Variants in CHFR observed in about 807,000 individuals in gnomAD.
CHFR encodes checkpoint with forkhead and ring finger domains, also known as E3 ubiquitin-protein ligase CHFR.
CHFR carries 57 observed loss-of-function variants against 87.6 expected under a neutral mutation model. The ratio of observed to expected loss-of-function variants is 0.65; its 90% CI spans 0.53 to 0.81. CHFR has a LOEUF of 0.81. Ranked by LOEUF, CHFR falls within the 30% of genes least tolerant of loss-of-function variation. The probability of loss-of-function intolerance (pLI) is 0.00; values close to 1 mark genes in which losing one functional copy is unlikely to be tolerated. For synonymous variants in CHFR, 381 were observed against 359.2 expected (o/e 1.06, Z -0.69); for missense variants, 797 against 865.8 (o/e 0.92, Z 1.00).
chr12:132,853,620 C>T (rs2136951889), intron 10 of CHFR, 47 bp from the exon 11 acceptor site: 1 of 1,483,032 alleles, frequency 6.7e-7, no homozygotes. Context: ...CCAAGCCTCT[C>T]AGGTAGGGCC....
chr12:132,877,690 T>A, intron 2 of CHFR, 36 bp from the exon 3 acceptor site: 1 of 1,419,078 alleles, frequency 7.0e-7, no homozygotes, highest in African/African-American at 1.4e-5. Flanking sequence ...CGGGATATGA[T>A]CGTGGTAACT....
At chr12:132,867,521 G>A (rs1951372095) in intron 6 of CHFR, 1 of 152,264 alleles carries the variant, frequency 6.6e-6, no homozygotes, top group Non-Finnish European at 1.5e-5. Flanking sequence ...GGCAGCCACT[G>A]TGAAACCTCG....
chr12:132,886,403 A>G (rs1374498251), intron 2 of CHFR, among the ~76,000 whole-genome samples: 1 of 151,988 alleles, frequency 6.6e-6, no homozygotes, highest in East Asian at 1.9e-4. Flanking sequence ...GCTTCCAAAC[A>G]GCAAATATTT....
At chr12:132,870,080 C>T (rs1278780792) in intron 5 of CHFR, among the ~76,000 whole-genome samples, 1 of 151,708 alleles carries the variant, frequency 6.6e-6, no homozygotes, top group African/African-American at 2.4e-5. Flanking sequence ...GTGCCGGGCG[C>T]GGTGGCTCAT....
At chr12:132,852,862 G>A (rs1380463702) in intron 11 of CHFR, among the ~76,000 whole-genome samples, 1 of 152,236 alleles carries the variant, frequency 6.6e-6, no homozygotes, top group Non-Finnish European at 1.5e-5. Flanking sequence ...GGACCCCTGA[G>A]GGCATCTTCC....
chr12:132,870,890 C>G, intron 4 of CHFR, 107 bp from the exon 5 acceptor site: 1 of 643,760 alleles, frequency 1.6e-6, no homozygotes, highest in African/African-American at 1.8e-5. Flanking sequence ...ATTATTTTGA[C>G]TCATCAGCTA....
chr12:132,887,396 G>A, intron 1 of CHFR, 56 bp from the exon 2 acceptor site: 3 of 1,208,860 alleles, frequency 2.5e-6, no homozygotes, highest in Non-Finnish European at 3.1e-6. Context: ...GCCGAGACTC[G>A]GCGCCCGCCC....
rs1404317356 is a variant in CHFR, at chr12:132,838,471, G to C, written c.*3083C>G. ...CTGGCTTGGAGCCTGGGCAGCACAC[G>C]GAGGGGTGGGCAGGGCTGACCCCCG... On this transcript the variant is annotated 3_prime_UTR_variant, in exon 18 of 18. Transcript: ENST00000450056. 6.6e-6 allele frequency: 1 copy of C among 152,516 alleles called. No individual in the cohort carries two copies. The allele number at this position is 152,516 out of a possible 1,614,324, so 9.4% of individuals were successfully genotyped here. A position where few individuals can be genotyped will look rare whatever the true frequency, so the allele number is the denominator to read the frequency against.
In CHFR at chr12:132,869,662, G is replaced by T. The variant is rs1430290279; in HGVS notation, c.540C>A (p.Ser180=). The change falls in exon 6 of 18, where the codon TCC becomes TCA. Residue 180 remains serine, a synonymous_variant. Transcript: ENST00000450056. ...CTCGCCCTGCAGGAGAAGGCTCCGT[G>T]GAAGAGGCCGAGGCTGTGGGGAAGA... ...SDLFPTASAS[S]TEPSPAGRER... 6.4e-7 allele frequency: 1 copy of T among 1,551,668 alleles called. No homozygotes were observed. Among genetic ancestry groups the T allele is most frequent in the Non-Finnish European group, 8.7e-7 (1 of 1,146,992 alleles).
In CHFR at chr12:132,841,570, G is replaced by A. The variant is rs1190631767; in HGVS notation, c.1943C>T (p.Thr648Ile). ...TCTGGATGCTTAGTTTTTGAACCTTGTCTGTTCACAGATATGATTGAATTT... is the reference window on the plus strand; with the variant it reads ...TCTGGATGCTTAGTTTTTGAACCTTATCTGTTCACAGATATGATTGAATTT... ...AMKFNHICEQ[T>I]RFKN Residue 648 changes from threonine (T) to isoleucine (I), a missense_variant, in exon 18 of 18, where the codon ACA becomes ATA. Transcript: ENST00000450056. 1 of 1,613,738 alleles carries A rather than the reference G, an allele frequency of 6.2e-7. No homozygotes were observed. Among genetic ancestry groups the A allele is most frequent in the Non-Finnish European group, 8.5e-7 (1 of 1,179,778 alleles).
intron 2 of CHFR, among the ~76,000 whole-genome samples, chr12:132,886,374 C>CA (rs10616057): frequency 0.026 from 3,812 of 147,628 alleles, 167 homozygotes; most frequent in African/African-American, 0.09. Context: ...TGAAATTAAC[C>CA]AAAAAAAAAA....
Position 132,872,507 on chromosome 12 carries a change from T to A in CHFR, c.234-113A>T, listed in dbSNP as rs865960028. The A allele has an allele frequency of 7.3e-6, 5 of 686,462 alleles. No homozygotes were observed. The Middle Eastern group carries it at 1.2e-3, about 169-fold the overall frequency. 42.5% of individuals were successfully genotyped at this position (686,462 alleles called of 1,614,324 possible). On this transcript the variant is annotated intron_variant, in intron 3 of 17. Coordinates refer to ENST00000450056, the MANE Select transcript of CHFR (RefSeq NM_001161346.2). The stretch of plus-strand genomic sequence containing the variant: ...GATATGACCACTCTGGAAATACTCA[T>A]AGGAACAGTGTAAATACGTAACGAT...
At chr12:132,884,470 T>C (rs1438526652) in intron 2 of CHFR, among the ~76,000 whole-genome samples, 1 of 151,930 alleles carries the variant, frequency 6.6e-6, no homozygotes, top group African/African-American at 2.4e-5. Context: ...AATCAAGTTC[T>C]ACAACTGTTA....
chr12:132,844,788 G>A (rs1293987895), intron 15 of CHFR, among the ~76,000 whole-genome samples: 7,581 of 116,628 alleles, frequency 0.065, no homozygotes, highest in Non-Finnish European at 0.11. Context: ...GTGCCACCGT[G>A]CCCGGCTAAT....
rs372743888 is a variant in CHFR, at chr12:132,833,497, C to T, written c.*8057G>A. On this transcript the variant is annotated 3_prime_UTR_variant, in exon 18 of 18. Transcript: ENST00000450056. ...TTTCAGGCCGATGGTTGAGGGAGGA[C>T]TTCTCAGGAGAATGTGAGCCAACAA... 7 of 152,360 alleles carry T rather than the reference C, an allele frequency of 4.6e-5. No individual in the cohort carries two copies. The highest frequency in any genetic ancestry group is 2.1e-4 in the South Asian group (1 of 4,832). 9.4% of individuals were successfully genotyped at this position (152,360 alleles called of 1,614,324 possible).
intron 17 of CHFR, among the ~76,000 whole-genome samples, chr12:132,842,704 G>A (rs1950727246): frequency 6.6e-6 from 1 of 152,240 alleles, no homozygotes; most frequent in South Asian, 2.1e-4. Context: ...TGCGAGGGGG[G>A]CCTGAGGCCC....
At chr12:132,849,278 A>G (rs1298021186) in intron 12 of CHFR, 3 of 151,548 alleles carry the variant, frequency 2.0e-5, no homozygotes, top group Admixed American at 6.6e-5. Flanking sequence ...TAAACTGAAC[A>G]TTTACAGGCG....
chr12:132,886,727 G>A (rs963563986), intron 2 of CHFR, among the ~76,000 whole-genome samples: 1 of 152,194 alleles, frequency 6.6e-6, no homozygotes, highest in East Asian at 1.9e-4. Context: ...TTCCCTCTGA[G>A]TACTGCCTTG....
In CHFR at chr12:132,834,046, C is replaced by G. The variant is rs999819250; in HGVS notation, c.*7508G>C. 6.6e-6 allele frequency: 1 copy of G among 152,376 alleles called. No homozygotes were observed. The highest frequency in any genetic ancestry group is 2.4e-5 in the African/African-American group (1 of 41,434). The allele number at this position is 152,376 out of a possible 1,614,324, so 9.4% of individuals were successfully genotyped here. On this transcript the variant is annotated 3_prime_UTR_variant, in exon 18 of 18. Transcript: ENST00000450056. ...CCACAAGAAGCCCCTGAAGAGAAGC[C>G]TGGGGCACTGAGGACAGCCAGCAGG...
Sources: allele counts gnomAD v4.1 joint callset (sites outside exome capture counted in the v4.1 genomes callset), GRCh38; gene constraint gnomAD v4.1.1; transcripts MANE v1.5; gene names NCBI Gene and HGNC (gene_info 2026-07-23, HGNC 2026-07-21).